Variants in EPHX2 observed in about 807,000 individuals in gnomAD.
The protein encoded by EPHX2 is bifunctional epoxide hydrolase 2.
In EPHX2, 74 loss-of-function variants were observed where a neutral mutation model predicts 78.7. That is an observed-to-expected ratio of 0.94 (90% confidence interval 0.78 to 1.14). The LOEUF (loss-of-function observed/expected upper bound fraction) is 1.14, where lower values mean the gene tolerates loss of function less well. Among genes scored for constraint, EPHX2 ranks in the 50% most tolerant of loss-of-function variants. The pLI is 0.00. For missense variants in EPHX2, 715 were observed against 702.5 expected, an observed-to-expected ratio of 1.02 and a Z score of -0.20; for synonymous variants, 251 against 255.2, an observed-to-expected ratio of 0.98 and a Z score of 0.16.
At chr8:27,543,700 G>A (rs766848711) in intron 16 of EPHX2, 49 bp from the exon 17 acceptor site, 3 of 1,595,188 alleles carry the variant, frequency 1.9e-6, no homozygotes, top group Non-Finnish European at 2.6e-6. Flanking sequence ...AGGAGGGAGG[G>A]CTTCCTTTGT....
chr8:27,525,703 C>T (rs1404009857), intron 12 of EPHX2, among the ~76,000 whole-genome samples: 2 of 151,456 alleles, frequency 1.3e-5, no homozygotes, highest in East Asian at 1.9e-4. Flanking sequence ...GGATGTTGTA[C>T]CCTGGGGGGA....
intron 8 of EPHX2, among the ~76,000 whole-genome samples, chr8:27,517,668 G>A (rs1367850661): frequency 1.3e-5 from 2 of 152,190 alleles, no homozygotes; most frequent in Non-Finnish European, 2.9e-5. Context: ...TCAAACAAAT[G>A]GTGGTGGGGA....
chr8:27,500,738 G>A (rs980962892), intron 1 of EPHX2, among the ~76,000 whole-genome samples, 188 bp from the exon 2 acceptor site: 1 of 152,174 alleles, frequency 6.6e-6, no homozygotes, highest in Admixed American at 6.5e-5. Context: ...TTACTGTATG[G>A]TCTCATGTCC....
At chr8:27,544,120 G>A in intron 17 of EPHX2, 66 bp from the exon 18 acceptor site, 1 of 1,580,632 alleles carries the variant, frequency 6.3e-7, no homozygotes, top group Non-Finnish European at 8.7e-7. Flanking sequence ...ATTGCCCATT[G>A]CACTAGCTAG....
intron 2 of EPHX2, among the ~76,000 whole-genome samples, chr8:27,502,493 T>C (rs1813837722): frequency 6.6e-6 from 1 of 152,236 alleles, no homozygotes; most frequent in Non-Finnish European, 1.5e-5. Context: ...ACAGCAAATA[T>C]GCCATAGACT....
chr8:27,503,835 T>C lies in EPHX2; in HGVS notation c.346+72T>C, dbSNP rs4149238. ...CTCGGGAGCATTAGGTCAGAATCCA[T>C]TGAAGTGAGCTTTGAGATCACAGAT... On this transcript the variant is annotated intron_variant, in intron 3 of 18. Transcript: ENST00000521400. 2.3e-3 allele frequency: 3,547 copies of C among 1,516,234 alleles called. 27 individuals carry two copies. The highest frequency in any genetic ancestry group is 0.013 in the South Asian group (1,033 of 80,336). 93.9% of individuals were successfully genotyped at this position (1,516,234 alleles called of 1,614,324 possible).
chr8:27,544,619 T>G lies in EPHX2; in HGVS notation c.*97T>G. On this transcript the variant is annotated 3_prime_UTR_variant, in exon 19 of 19. Transcript: ENST00000521400. ...GAGGTGGCCTTACACACATCTTGCA[T>G]GGATGGCAGCATTGTTCTGAAGGGG... The G allele has an allele frequency of 8.3e-7, 1 of 1,199,578 alleles. No homozygotes were observed. The highest frequency in any genetic ancestry group is 2.4e-5 in the East Asian group (1 of 42,300). 74.3% of individuals were successfully genotyped at this position (1,199,578 alleles called of 1,614,324 possible).
intron 16 of EPHX2, among the ~76,000 whole-genome samples, chr8:27,542,931 T>C (rs1815452230): frequency 6.6e-6 from 1 of 151,944 alleles, no homozygotes; most frequent in Non-Finnish European, 1.5e-5. Flanking sequence ...CGTGAGCCAC[T>C]GCACCCAGCC....
At chr8:27,519,877 C>G (rs1358774487) in intron 9 of EPHX2, among the ~76,000 whole-genome samples, 1 of 152,204 alleles carries the variant, frequency 6.6e-6, no homozygotes, top group Non-Finnish European at 1.5e-5. Flanking sequence ...TGGCCTAGGT[C>G]TGGCCAACAA....
intron 16 of EPHX2, among the ~76,000 whole-genome samples, chr8:27,543,306 G>T (rs1815469134): frequency 6.6e-6 from 1 of 152,086 alleles, no homozygotes; most frequent in African/African-American, 2.4e-5. Flanking sequence ...ATGCCTCCCT[G>T]TGTTCAACTC....
Position 27,543,847 on chromosome 8 carries a change from T to C in EPHX2, c.1530+18T>C, listed in dbSNP as rs754078252. On this transcript the variant is annotated intron_variant, in intron 17 of 18. Coordinates refer to ENST00000521400, the MANE Select transcript of EPHX2 (RefSeq NM_001979.6). ...AGGACTGGGTGAGGGAATGGCCCTG[T>C]ACAAGGGTCATCAGTGCACCCCGGG... 10 of 1,613,770 alleles carry C rather than the reference T, an allele frequency of 6.2e-6. No individual in the cohort carries two copies. In the East Asian group the frequency reaches 2.0e-4, roughly 32 times the overall value.
At chr8:27,544,127 C>G (rs765541700) in intron 17 of EPHX2, 59 bp from the exon 18 acceptor site, 2 of 1,595,890 alleles carry the variant, frequency 1.3e-6, no homozygotes, top group South Asian at 2.2e-5. Flanking sequence ...ATTGCACTAG[C>G]TAGAGACACA....
chr8:27,540,717 C>A, intron 15 of EPHX2, 61 bp downstream of exon 15: 3 of 1,526,426 alleles, frequency 2.0e-6, no homozygotes, highest in Non-Finnish European at 2.7e-6. Context: ...GGATCTTCAG[C>A]CCTCAGGGTG....
chr8:27,498,389 A>C (rs1813649558), intron 1 of EPHX2, among the ~76,000 whole-genome samples: 1 of 151,978 alleles, frequency 6.6e-6, no homozygotes, highest in Non-Finnish European at 1.5e-5. Flanking sequence ...TCCAATACCA[A>C]GAATGTTCTT....
chr8:27,500,855 A>G, intron 1 of EPHX2, 71 bp from the exon 2 acceptor site: 1 of 1,359,952 alleles, frequency 7.4e-7, no homozygotes, highest in Non-Finnish European at 1.0e-6. Flanking sequence ...ATGAATATGA[A>G]CAGTGTCTGT....
chr8:27,513,157 G>T (rs1341752207), intron 6 of EPHX2, among the ~76,000 whole-genome samples: 1 of 152,182 alleles, frequency 6.6e-6, no homozygotes, highest in Non-Finnish European at 1.5e-5. Flanking sequence ...AATGGGTTCT[G>T]CCAGGGTGGA....
At chr8:27,544,381 G>C in intron 18 of EPHX2, 63 bp from the exon 19 acceptor site, 1 of 1,602,454 alleles carries the variant, frequency 6.2e-7, no homozygotes, top group Non-Finnish European at 8.6e-7. Context: ...CTTCGAGTTG[G>C]CTGGGTAGGT....
chr8:27,547,131 G>A (rs1237587729), downstream of EPHX2, among the ~76,000 whole-genome samples: 1 of 152,172 alleles, frequency 6.6e-6, no homozygotes, highest in Non-Finnish European at 1.5e-5. Context: ...TTCCAACATC[G>A]TGGATTACAA....
intron 1 of EPHX2, among the ~76,000 whole-genome samples, chr8:27,497,227 C>G (rs1028719179): frequency 5.9e-5 from 9 of 152,162 alleles, no homozygotes; most frequent in Non-Finnish European, 8.8e-5. Context: ...CACCCTCAGT[C>G]CTGTTGTTGG....
Sources: allele counts gnomAD v4.1 joint callset (sites outside exome capture counted in the v4.1 genomes callset), GRCh38; gene constraint gnomAD v4.1.1; transcripts MANE v1.5; gene names NCBI Gene and HGNC (gene_info 2026-07-23, HGNC 2026-07-21).